KIRREL1: variants seen among roughly 807,000 people sequenced by gnomAD.
KIRREL1 encodes the protein kirre like nephrin family adhesion molecule 1, also known as kin of IRRE-like protein 1.
In KIRREL1, 25 loss-of-function variants were observed where a neutral mutation model predicts 83.3. The observed-to-expected ratio is 0.30, with a 90% CI of 0.22 to 0.42. The LOEUF is 0.42. KIRREL1 is among the 10% of genes least tolerant of loss of function. KIRREL1 has a pLI of 1.00. For synonymous variants in KIRREL1, 388 were observed against 410.4 expected, an observed-to-expected ratio of 0.95 and a Z score of 0.66; for missense variants, 812 against 1,032.3, an observed-to-expected ratio of 0.79 and a Z score of 2.92.
intron 1 of KIRREL1, among the ~76,000 whole-genome samples, chr1:158,046,405 G>A (rs76787699): frequency 3.3e-4 from 51 of 152,308 alleles, no homozygotes; most frequent in African/African-American, 1.1e-3. Context: ...GACACATTAA[G>A]TATGAGAGGC....
chr1:158,068,611 C>T (rs1661420018), intron 1 of KIRREL1, among the ~76,000 whole-genome samples: 1 of 152,220 alleles, frequency 6.6e-6, no homozygotes, highest in Admixed American at 6.5e-5. Flanking sequence ...CTCAGCACTC[C>T]CCTCCCTTCC....
At chr1:158,020,727 C>G (rs1659982323) in intron 1 of KIRREL1, among the ~76,000 whole-genome samples, 1 of 151,846 alleles carries the variant, frequency 6.6e-6, no homozygotes, top group Non-Finnish European at 1.5e-5. Context: ...AGCTCAGCTC[C>G]TGGTACTATC....
At chr1:158,065,461 A>C (rs532628327) in intron 1 of KIRREL1, among the ~76,000 whole-genome samples, 68 of 152,202 alleles carry the variant, frequency 4.5e-4, no homozygotes, top group Non-Finnish European at 1.5e-4. Flanking sequence ...GAATAGGGTT[A>C]GACTCCAGGA....
rs1436508201 is a variant in KIRREL1, at chr1:158,068,144, G to C, written c.53-7969G>C. Among the ~76,000 whole-genome samples the C allele has an allele frequency of 3.3e-5, 5 of 152,174 alleles. No homozygotes were observed. The South Asian group carries it at 1.0e-3, about 32-fold the overall frequency. ...AGTCTGGGCATTTGAGGCTCCTACTGTTCAGTGTCTTTTTCACTGCAAACT... is the reference window on the plus strand; with the variant it reads ...AGTCTGGGCATTTGAGGCTCCTACTCTTCAGTGTCTTTTTCACTGCAAACT... On this transcript the variant is annotated intron_variant, in intron 1 of 14. Coordinates refer to ENST00000359209, the MANE Select transcript of KIRREL1 (RefSeq NM_018240.7).
At position 158,089,586 on chromosome 1, in the gene KIRREL1, C is replaced by T. The variant is rs761157828; in HGVS notation, c.1129C>T (p.Arg377Ter). 1 of 1,613,778 alleles carries T rather than the reference C, an allele frequency of 6.2e-7. No individual in the cohort carries two copies. Among genetic ancestry groups the T allele is most frequent in the African/African-American group, 1.3e-5 (1 of 74,918 alleles). ...GTYTCRAIVP[R>*]IGVAEREVPL... ...CTACACCTGCCGGGCCATCGTGCCT[C>T]GAATCGGAGTGGCTGAGCGGGAGGT... Residue 377 changes from arginine to a stop codon, truncating the protein, a stop_gained, in exon 9 of 15, where the codon CGA becomes TGA. Transcript: ENST00000359209. LOFTEE classifies it high-confidence loss of function.
intron 1 of KIRREL1, among the ~76,000 whole-genome samples, chr1:158,040,065 G>A (rs556348481): frequency 2.2e-4 from 33 of 152,342 alleles, no homozygotes; most frequent in Non-Finnish European, 3.5e-4. Flanking sequence ...CCTCCCTTGC[G>A]TATTTTTCCT....
intron 1 of KIRREL1, among the ~76,000 whole-genome samples, chr1:158,068,309 T>G (rs967481148): frequency 6.6e-6 from 1 of 152,198 alleles, no homozygotes; most frequent in Non-Finnish European, 1.5e-5. Flanking sequence ...GACATCTACG[T>G]GTAGTCATTC....
intron 8 of KIRREL1, 61 bp from the exon 9 acceptor site, chr1:158,089,441 C>T (rs771884715): frequency 7.5e-6 from 12 of 1,606,432 alleles, no homozygotes; most frequent in African/African-American, 2.7e-5. Context: ...ATGTGGGGCC[C>T]TCATGGACCT....
intron 1 of KIRREL1, among the ~76,000 whole-genome samples, chr1:158,008,190 G>T (rs1176521339): frequency 6.6e-6 from 1 of 152,074 alleles, no homozygotes; most frequent in Non-Finnish European, 1.5e-5. Context: ...GAGAAGGGGA[G>T]AGTGGGAAGA....
chr1:158,014,978 C>A (rs1557988949), intron 1 of KIRREL1, among the ~76,000 whole-genome samples: 2 of 152,168 alleles, frequency 1.3e-5, no homozygotes, highest in Admixed American at 6.5e-5. Context: ...ATTTTTCCAG[C>A]AGGCTTAATC....
At chr1:158,092,438 T>C (rs193051562) in intron 11 of KIRREL1, among the ~76,000 whole-genome samples, 154 of 149,238 alleles carry the variant, frequency 1.0e-3, no homozygotes, top group Non-Finnish European at 1.9e-3. Context: ...ACCTGTGCCT[T>C]CCGGGTTCAA....
intron 1 of KIRREL1, among the ~76,000 whole-genome samples, chr1:158,073,199 C>A (rs540876164): frequency 6.6e-6 from 1 of 152,236 alleles, no homozygotes; most frequent in East Asian, 1.9e-4. Context: ...ATTAAATTCC[C>A]GAGATGTCTT....
At chr1:158,031,902 G>T (rs979063524) in intron 1 of KIRREL1, among the ~76,000 whole-genome samples, 6 of 151,938 alleles carry the variant, frequency 3.9e-5, no homozygotes, top group Admixed American at 3.3e-4. Flanking sequence ...TGGGCAACAG[G>T]GTTAGAAACC....
intron 1 of KIRREL1, among the ~76,000 whole-genome samples, chr1:158,045,338 T>G (rs1660751951): frequency 6.6e-6 from 1 of 152,208 alleles, no homozygotes; most frequent in African/African-American, 2.4e-5. Context: ...AGGACTGCCC[T>G]CGTTTCAGAT....
intron 1 of KIRREL1, among the ~76,000 whole-genome samples, chr1:158,036,014 A>C (rs999247422): frequency 6.6e-6 from 1 of 152,176 alleles, no homozygotes; most frequent in South Asian, 2.1e-4. Context: ...TTCAATTCTC[A>C]ACAAATGCAG....
chr1:158,010,394 CAT>C (rs1443389467), intron 1 of KIRREL1, among the ~76,000 whole-genome samples: 7 of 82,070 alleles, frequency 8.5e-5, no homozygotes, highest in Non-Finnish European at 1.3e-4. Flanking sequence ...CACACACATG[CAT>C]ACACACACAC....
At chr1:158,057,554 C>T (rs983481520) in intron 1 of KIRREL1, among the ~76,000 whole-genome samples, 1 of 152,164 alleles carries the variant, frequency 6.6e-6, no homozygotes, top group African/African-American at 2.4e-5. Context: ...CTCCATTAGT[C>T]AGTTCATATC....
chr1:158,080,076 A>G (rs930030042), intron 3 of KIRREL1, among the ~76,000 whole-genome samples: 11 of 152,298 alleles, frequency 7.2e-5, no homozygotes, highest in South Asian at 2.1e-4. Context: ...GAATGCCAAG[A>G]CATCATCTTT....
intron 1 of KIRREL1, among the ~76,000 whole-genome samples, chr1:158,040,846 C>T (rs1660605653): frequency 6.6e-6 from 1 of 152,034 alleles, no homozygotes; most frequent in Non-Finnish European, 1.5e-5. Context: ...TTATGAAGGG[C>T]CTTGGGTGAC....
Sources: gnomAD v4.1 joint callset for allele counts (sites outside exome capture counted in the v4.1 genomes callset) on GRCh38, gnomAD v4.1.1 for gene constraint, MANE v1.5 for transcripts, NCBI Gene and HGNC (gene_info 2026-07-23, HGNC 2026-07-21) for gene names.